The following MED1 variants were observed in gnomAD, a reference collection of about 807,000 sequenced individuals.
MED1 encodes mediator of RNA polymerase II transcription subunit 1.
MED1 carries 17 observed loss-of-function variants against 121.3 expected under a neutral mutation model. The ratio of observed to expected loss-of-function variants is 0.14; its 90% CI spans 0.10 to 0.21. MED1 has a LOEUF of 0.21. MED1 is among the 10% of genes least tolerant of loss of function. The pLI, the probability that MED1 is intolerant of heterozygous loss-of-function variation, is 1.00. For synonymous variants in MED1, 661 were observed against 694.4 expected (o/e 0.95, Z 0.76); for missense variants, 1,558 against 1,919.4 (o/e 0.81, Z 3.52).
At chr17:39,419,340 T>C (rs899548547) in intron 14 of MED1, among the ~76,000 whole-genome samples, 4 of 151,980 alleles carry the variant, frequency 2.6e-5, no homozygotes, top group African/African-American at 9.7e-5. Context: ...CCTCCCAAAG[T>C]GCTGGGATTA....
intron 9 of MED1, among the ~76,000 whole-genome samples, chr17:39,430,553 C>T (rs1480998346): frequency 3.3e-5 from 5 of 150,764 alleles, no homozygotes; most frequent in Non-Finnish European, 5.9e-5. Flanking sequence ...ATTAGCCAGG[C>T]GTGGTGGCGG....
intron 2 of MED1, among the ~76,000 whole-genome samples, chr17:39,446,246 C>T (rs987117202): frequency 2.7e-5 from 4 of 150,574 alleles, no homozygotes; most frequent in African/African-American, 4.9e-5. Context: ...GTCAGGAGAT[C>T]GAGACCATCC....
At chr17:39,443,749 T>C (rs1476773855) in intron 2 of MED1, 121 bp from the exon 3 acceptor site, 3 of 729,486 alleles carry the variant, frequency 4.1e-6, no homozygotes, top group Admixed American at 4.9e-5. Flanking sequence ...ATATAGTCTA[T>C]AGATTTTGTA....
Position 39,440,503 on chromosome 17 carries a change from G to T in MED1, c.282C>A (p.Leu94=). 1 of 1,610,348 alleles carries T rather than the reference G, an allele frequency of 6.2e-7. No homozygotes were observed. The highest frequency in any genetic ancestry group is 1.1e-5 in the South Asian group (1 of 90,076). ...IARQNGLGSH[L]SASGTECYIT... The stretch of plus-strand genomic sequence containing the variant: ...TGTAACATTCAGTGCCACTGGCACT[G>T]AGATGAGAGCCCAGTCTAGCAGGAA... The change falls in exon 5 of 17, where the codon CTC becomes CTA. Residue 94 remains leucine (L), a synonymous_variant. Transcript: ENST00000300651. The surrounding 1 kb of genome is among the most constrained non-coding windows in gnomAD (Gnocchi z 4.1).
chr17:39,428,879 G>C (rs769199085), intron 9 of MED1, among the ~76,000 whole-genome samples: 1 of 151,790 alleles, frequency 6.6e-6, no homozygotes, highest in Non-Finnish European at 1.5e-5. Flanking sequence ...TTGAACCCAG[G>C]AGGTGGAGGT....
chr17:39,433,999 T>G (rs2048594994), intron 7 of MED1, among the ~76,000 whole-genome samples: 1 of 152,190 alleles, frequency 6.6e-6, no homozygotes, highest in Non-Finnish European at 1.5e-5. Context: ...CCTTTCAGCC[T>G]AGAAATTGGA....
intron 16 of MED1, among the ~76,000 whole-genome samples, chr17:39,413,912 TAAAAAAA>T (rs66489961): frequency 1.4e-5 from 1 of 69,852 alleles, no homozygotes; most frequent in African/African-American, 5.6e-5. Context: ...GTAATATCAT[TAAAAAAA>T]AAAAAAAAAA....
At chr17:39,421,247 AAAAAAG>A (rs1204928169) in intron 13 of MED1, among the ~76,000 whole-genome samples, 114 of 123,632 alleles carry the variant, frequency 9.2e-4, no homozygotes, top group Middle Eastern at 5.1e-3. Flanking sequence ...GCAAAAAAAA[AAAAAAG>A]AAAAAAGAAA....
At chr17:39,447,156 G>A (rs1431925546) in intron 2 of MED1, among the ~76,000 whole-genome samples, 96 of 152,000 alleles carry the variant, frequency 6.3e-4, no homozygotes, top group Non-Finnish European at 8.8e-5. Context: ...TTTGGGAGGC[G>A]AAGGCAGGTG....
intron 16 of MED1, among the ~76,000 whole-genome samples, chr17:39,411,379 G>A (rs1198440399): frequency 6.6e-6 from 1 of 152,144 alleles, no homozygotes; most frequent in Non-Finnish European, 1.5e-5. Flanking sequence ...CCAGCACTTT[G>A]GAAGGCCGAG....
chr17:39,444,133 A>T (rs189861162), intron 2 of MED1, among the ~76,000 whole-genome samples: 63 of 152,310 alleles, frequency 4.1e-4, no homozygotes, highest in African/African-American at 1.4e-3. Context: ...GAGATTTGGT[A>T]GTGTACAAAT....
chr17:39,431,331 G>A (rs2048563703), intron 8 of MED1, 143 bp from the exon 9 acceptor site: 3 of 617,666 alleles, frequency 4.9e-6, no homozygotes, highest in Non-Finnish European at 8.3e-6. Context: ...AGGCTGAAGT[G>A]CAGTGGTACA....
At chr17:39,412,015 AAAAAAG>A (rs1456199734) in intron 16 of MED1, among the ~76,000 whole-genome samples, 5 of 151,758 alleles carry the variant, frequency 3.3e-5, no homozygotes, top group Non-Finnish European at 7.4e-5. Flanking sequence ...TCAAAAAAAA[AAAAAAG>A]AAAAGAAAAA....
At chr17:39,420,174 C>T (rs2048447333) in intron 13 of MED1, among the ~76,000 whole-genome samples, 1 of 151,582 alleles carries the variant, frequency 6.6e-6, no homozygotes. Flanking sequence ...TAAAGAGGTT[C>T]CTAAACCATA....
chr17:39,419,092 T>G (rs2048436950), intron 14 of MED1, among the ~76,000 whole-genome samples: 2 of 146,538 alleles, frequency 1.4e-5, no homozygotes, highest in South Asian at 4.3e-4. Context: ...GCCTGGTGTT[T>G]TGTTTTTGAT....
intron 8 of MED1, 28 bp downstream of exon 8, chr17:39,431,914 T>C (rs1372376315): frequency 3.3e-6 from 5 of 1,506,526 alleles, no homozygotes; most frequent in Non-Finnish European, 4.6e-6. Flanking sequence ...CAAGGGATCA[T>C]GTAGAATTAA....
At chr17:39,424,994 C>T (rs1386459786) in intron 10 of MED1, among the ~76,000 whole-genome samples, 1 of 152,128 alleles carries the variant, frequency 6.6e-6, no homozygotes. Flanking sequence ...ATTCTCCTGC[C>T]TCAGCCACCC....
chr17:39,416,543 AT>A (rs1042477978), intron 14 of MED1, among the ~76,000 whole-genome samples: 1 of 152,322 alleles, frequency 6.6e-6, no homozygotes, highest in Non-Finnish European at 1.5e-5. Context: ...ATGAAAACTC[AT>A]TTTTAAATGC....
chr17:39,423,345 G>A lies in MED1; in HGVS notation c.1077C>T (p.His359=), dbSNP rs201058859. ...TACTTACAGCATAAAATCTCATGTTGTGATTCAAAGGTATGGGGTCAGGGT... is the reference window on the plus strand; with the variant it reads ...TACTTACAGCATAAAATCTCATGTTATGATTCAAAGGTATGGGGTCAGGGT... ...SKDPDPIPLN[H]NMRFYAALPG... is the part of the protein sequence containing the mutation. Residue 359 remains histidine (H), a synonymous_variant, in exon 13 of 17, where the codon CAC becomes CAT. Transcript: ENST00000300651. 3.4e-5 allele frequency: 55 copies of A among 1,608,040 alleles called. No individual in the cohort carries two copies. The highest frequency in any genetic ancestry group is 1.7e-6 in the Non-Finnish European group (2 of 1,174,720).
Sources: allele counts gnomAD v4.1 joint callset (sites outside exome capture counted in the v4.1 genomes callset), GRCh38; gene constraint gnomAD v4.1.1; non-coding constraint Gnocchi (gnomAD v3.1); transcripts MANE v1.5; gene names NCBI Gene and HGNC (gene_info 2026-07-23, HGNC 2026-07-21).